Variants in FAM151B observed in about 807,000 individuals in gnomAD.
FAM151B encodes the protein family with sequence similarity 151 member B, also known as protein FAM151B.
FAM151B carries 24 observed loss-of-function variants against 31.2 expected under a neutral mutation model. That is an observed-to-expected ratio of 0.77 (90% CI 0.56 to 1.08). The LOEUF is 1.08. Among genes scored for constraint, FAM151B ranks in the 50% least tolerant of loss-of-function variants. The probability of loss-of-function intolerance (pLI) is 0.00; values close to 1 mark genes in which losing one functional copy is unlikely to be tolerated. For synonymous variants in FAM151B, 105 were observed against 111.4 expected, an observed-to-expected ratio of 0.94 and a Z score of 0.36; for missense variants, 293 against 328.6, an observed-to-expected ratio of 0.89 and a Z score of 0.84.
chr5:80,525,039 G>A (rs1228121648), intron 5 of FAM151B, among the ~76,000 whole-genome samples: 1 of 152,088 alleles, frequency 6.6e-6, no homozygotes, highest in Non-Finnish European at 1.5e-5. Flanking sequence ...AGTAGTTTTG[G>A]TGTTTAAATA....
chr5:80,509,915 A>G (rs916708145), intron 2 of FAM151B, among the ~76,000 whole-genome samples: 12 of 152,326 alleles, frequency 7.9e-5, no homozygotes, highest in African/African-American at 2.9e-4. Flanking sequence ...ATGGAAAACA[A>G]TAAAATGAGC....
intron 5 of FAM151B, among the ~76,000 whole-genome samples, chr5:80,540,247 A>G (rs964921967): frequency 2.0e-5 from 3 of 152,142 alleles, no homozygotes; most frequent in Non-Finnish European, 2.9e-5. Flanking sequence ...TCTCTGTCAT[A>G]TACTTAACAA....
chr5:80,537,338 G>A (rs1221955990), intron 5 of FAM151B, among the ~76,000 whole-genome samples: 1 of 152,192 alleles, frequency 6.6e-6, no homozygotes, highest in Admixed American at 6.5e-5. Context: ...ACTTTTCCTC[G>A]TAGGAGAGTA....
intron 3 of FAM151B, among the ~76,000 whole-genome samples, chr5:80,514,040 T>C (rs536157019): frequency 2.2e-4 from 33 of 152,312 alleles, no homozygotes; most frequent in African/African-American, 7.0e-4. Context: ...ATGCTACATA[T>C]GTTAAAAAGT....
At chr5:80,538,087 G>A (rs1185944112) in intron 5 of FAM151B, among the ~76,000 whole-genome samples, 6 of 107,556 alleles carry the variant, frequency 5.6e-5, no homozygotes, top group African/African-American at 2.1e-4. Flanking sequence ...TTTTTTTTTT[G>A]AGGCAGAGTC....
At chr5:80,503,681 A>G (rs1384949292) in intron 2 of FAM151B, among the ~76,000 whole-genome samples, 2 of 152,144 alleles carry the variant, frequency 1.3e-5, no homozygotes, top group Non-Finnish European at 2.9e-5. Context: ...AACTTAAAAA[A>G]TTTTACAATT....
Position 80,504,616 on chromosome 5 carries a change from G to A in FAM151B, c.151+2699G>A, listed in dbSNP as rs986189257. On this transcript the variant is annotated intron_variant, in intron 2 of 5. Coordinates refer to ENST00000282226, the MANE Select transcript of FAM151B (RefSeq NM_205548.3). ...GCTCACTGCAACCTCTGCCTCCCGGGTTCAAGCCATCCTCCTGCCTCAGCC... is the reference window on the plus strand; with the variant it reads ...GCTCACTGCAACCTCTGCCTCCCGGATTCAAGCCATCCTCCTGCCTCAGCC... Among the ~76,000 whole-genome samples the A allele has an allele frequency of 4.1e-5, 6 of 145,476 alleles. No individual in the cohort carries two copies. In the South Asian group the frequency reaches 1.3e-3, roughly 31 times the overall value.
chr5:80,538,129 G>A (rs910270616), intron 5 of FAM151B, among the ~76,000 whole-genome samples: 24 of 150,520 alleles, frequency 1.6e-4, no homozygotes, highest in East Asian at 3.9e-4. Flanking sequence ...GTTCAGTGGC[G>A]CGATTTCGGG....
At chr5:80,537,155 T>C (rs1167997539) in intron 5 of FAM151B, among the ~76,000 whole-genome samples, 2 of 152,176 alleles carry the variant, frequency 1.3e-5, no homozygotes, top group Admixed American at 1.3e-4. Context: ...CCCATAAATA[T>C]AAATACCTAC....
intron 3 of FAM151B, among the ~76,000 whole-genome samples, chr5:80,517,710 G>A (rs953597691): frequency 3.3e-5 from 5 of 152,300 alleles, no homozygotes; most frequent in African/African-American, 9.6e-5. Context: ...ACTGCACAGT[G>A]CTTCGCATGT....
chr5:80,516,217 G>A (rs1470267288), intron 3 of FAM151B, among the ~76,000 whole-genome samples: 2 of 152,068 alleles, frequency 1.3e-5, no homozygotes, highest in Non-Finnish European at 2.9e-5. Flanking sequence ...CCAGCTATTC[G>A]GAAGGCTGAG....
At chr5:80,495,346 A>G (rs1377662452) in intron 1 of FAM151B, 1 of 152,168 alleles carries the variant, frequency 6.6e-6, no homozygotes, top group Admixed American at 6.5e-5. Context: ...GCTGCCATAG[A>G]TAGTGATTCC....
intron 3 of FAM151B, 129 bp from the exon 4 acceptor site, chr5:80,519,564 A>G: frequency 1.3e-6 from 1 of 763,154 alleles, no homozygotes; most frequent in Non-Finnish European, 2.1e-6. Flanking sequence ...GCGATCTTTG[A>G]TTTTATTTAA....
At chr5:80,496,758 G>A (rs1241173928) in intron 1 of FAM151B, among the ~76,000 whole-genome samples, 4 of 150,860 alleles carry the variant, frequency 2.7e-5, no homozygotes, top group Admixed American at 2.0e-4. Flanking sequence ...GAAATCGAGG[G>A]AAGAGTGGGG....
chr5:80,521,124 T>TC (rs1323966345), intron 4 of FAM151B, among the ~76,000 whole-genome samples: 1 of 140,750 alleles, frequency 7.1e-6, no homozygotes, highest in Non-Finnish European at 1.5e-5. Context: ...GCCTTTTTTT[T>TC]TTTTTTTTTT....
intron 5 of FAM151B, among the ~76,000 whole-genome samples, chr5:80,531,050 T>C (rs1372805411): frequency 6.6e-6 from 1 of 152,018 alleles, no homozygotes; most frequent in Non-Finnish European, 1.5e-5. Flanking sequence ...TATAGACCAA[T>C]GGAACAGAAT....
At chr5:80,488,349 CG>C (rs1743191191) in intron 1 of FAM151B, among the ~76,000 whole-genome samples, 1 of 152,250 alleles carries the variant, frequency 6.6e-6, no homozygotes, top group Admixed American at 6.5e-5. Flanking sequence ...CTTGGTTTGC[CG>C]GGTGGGCTCT....
rs200155440 is a variant in FAM151B, at chr5:80,513,659, C to G, written c.207C>G (p.His69Gln). 2.5e-5 allele frequency: 41 copies of G among 1,614,046 alleles called. No homozygotes were observed. Among genetic ancestry groups the G allele is most frequent in the Non-Finnish European group, 3.3e-5 (39 of 1,180,040 alleles). ...DVLLPSDGSE[H>Q]SQPIMAHPPE... ...TTCTTCCAAGTGATGGATCAGAACA[C>G]AGCCAGCCAATTATGGCCCATCCCC... Residue 69 changes from histidine to glutamine, a missense_variant, in exon 3 of 6, where the codon CAC (histidine) becomes CAG (glutamine). Transcript: ENST00000282226.
At chr5:80,508,889 G>A (rs1052662106) in intron 2 of FAM151B, among the ~76,000 whole-genome samples, 4 of 152,022 alleles carry the variant, frequency 2.6e-5, no homozygotes, top group African/African-American at 4.8e-5. Context: ...GGGTCATATG[G>A]TTGTACCCTT....
Sources: gnomAD v4.1 joint callset for allele counts (sites outside exome capture counted in the v4.1 genomes callset) on GRCh38, gnomAD v4.1.1 for gene constraint, MANE v1.5 for transcripts, NCBI Gene and HGNC (gene_info 2026-07-23, HGNC 2026-07-21) for gene names.